The following MYOM2 variants were observed in gnomAD, a reference collection of about 807,000 sequenced individuals.
MYOM2 encodes the protein myomesin 2.
A neutral mutation model predicts 187.6 loss-of-function variants in MYOM2; 254 were observed. The ratio of observed to expected loss-of-function variants is 1.35; its 90% CI spans 1.22 to 1.50. MYOM2 has a LOEUF of 1.50. Ranked by LOEUF, MYOM2 falls within the 40% of genes most tolerant of loss-of-function variation. The probability of loss-of-function intolerance (pLI) is 0.00; values close to 1 mark genes in which losing one functional copy is unlikely to be tolerated. For synonymous variants in MYOM2, 981 were observed against 753.8 expected (o/e 1.30, Z -4.94); for missense variants, 2,796 against 1,924.0 (o/e 1.45, Z -8.48).
intron 28 of MYOM2, chr8:2,118,798 G>C (rs927838615): frequency 6.5e-6 from 1 of 152,980 alleles, no homozygotes; most frequent in Non-Finnish European, 1.5e-5. Context: ...GCAGTGACAC[G>C]GGCTGCTGGT....
rs559368277 is a variant in MYOM2, at chr8:2,082,764, G to A, written c.1517-2499G>A. 7.8e-4 allele frequency among the ~76,000 whole-genome samples: 119 copies of A among 152,344 alleles called. 1 individual carries two copies. The highest frequency in any genetic ancestry group is 1.2e-3 in the Non-Finnish European group (82 of 68,040). On this transcript the variant is annotated intron_variant, in intron 13 of 36. Transcript: ENST00000262113. Reference sequence around the variant, plus strand: ...AATTATGTATGCAAGCATTGGCTGTGCTTTCCTGGGCCGGGGCATTTGCAG... The same window carrying A: ...AATTATGTATGCAAGCATTGGCTGTACTTTCCTGGGCCGGGGCATTTGCAG...
chr8:2,140,511 C>G (rs1445585294), intron 32 of MYOM2, among the ~76,000 whole-genome samples: 1 of 152,056 alleles, frequency 6.6e-6, no homozygotes, highest in Admixed American at 6.6e-5. Context: ...AATAATATAC[C>G]TTTAAAAATT....
At chr8:2,065,059 CAT>C (rs1215752072) in intron 6 of MYOM2, among the ~76,000 whole-genome samples, 1 of 152,216 alleles carries the variant, frequency 6.6e-6, no homozygotes, top group Non-Finnish European at 1.5e-5. Flanking sequence ...ATAAGATTAA[CAT>C]TATATGATAA....
intron 19 of MYOM2, among the ~76,000 whole-genome samples, chr8:2,100,089 CTTCCTTCCTTCCTTCCTTCTTTCT>C (rs1796640302): frequency 0.061 from 3,403 of 55,824 alleles, 273 homozygotes; most frequent in Middle Eastern, 0.15. Context: ...TTCTTCTTTC[CTTCCTTCCTTCCTTCCTTCTTTCT>C]TTCCTTCCTT....
chr8:2,054,634 G>A (rs1404620782), intron 3 of MYOM2, among the ~76,000 whole-genome samples: 1 of 152,202 alleles, frequency 6.6e-6, no homozygotes, highest in African/African-American at 2.4e-5. Flanking sequence ...ATTGACCTAA[G>A]AATAAGCTGA....
intron 28 of MYOM2, among the ~76,000 whole-genome samples, chr8:2,122,371 C>CCATG (rs1241922216): frequency 6.6e-6 from 1 of 152,168 alleles, no homozygotes; most frequent in East Asian, 1.9e-4. Flanking sequence ...AGGCAGGCAG[C>CCATG]CATGCACTTG....
chr8:2,079,752 G>A (rs1421474036), intron 13 of MYOM2, 139 bp downstream of exon 13: 1 of 895,136 alleles, frequency 1.1e-6, no homozygotes, highest in Non-Finnish European at 1.9e-6. Context: ...GGTCAGGCCT[G>A]CAAGCCCAGT....
At chr8:2,120,601 C>T (rs1281736627) in intron 28 of MYOM2, among the ~76,000 whole-genome samples, 2 of 120,178 alleles carry the variant, frequency 1.7e-5, no homozygotes, top group Admixed American at 9.0e-5. Context: ...TGAAAGGAAC[C>T]GTCTTACTAT....
At chr8:2,063,471 T>G (rs1242353251) in intron 6 of MYOM2, among the ~76,000 whole-genome samples, 1 of 152,246 alleles carries the variant, frequency 6.6e-6, no homozygotes, top group Non-Finnish European at 1.5e-5. Context: ...ATGGGACTCA[T>G]GATGTGAGCC....
At chr8:2,104,867 C>T (rs952009920) in intron 21 of MYOM2, among the ~76,000 whole-genome samples, 3 of 152,170 alleles carry the variant, frequency 2.0e-5, no homozygotes, top group Non-Finnish European at 4.4e-5. Flanking sequence ...TGGTTATTAG[C>T]AAGAATCTAC....
At chr8:2,094,643 C>T (rs1796420317) in intron 17 of MYOM2, among the ~76,000 whole-genome samples, 1 of 152,176 alleles carries the variant, frequency 6.6e-6, no homozygotes, top group Non-Finnish European at 1.5e-5. Flanking sequence ...CAGAGCAAGA[C>T]TCCGTCTCAA....
intron 25 of MYOM2, among the ~76,000 whole-genome samples, chr8:2,114,934 T>A (rs1037194782): frequency 1.3e-5 from 2 of 152,192 alleles, no homozygotes; most frequent in African/African-American, 4.8e-5. Flanking sequence ...AAGGAAGAGA[T>A]GGTCTAATAT....
intron 18 of MYOM2, chr8:2,098,096 G>T (rs944259145): frequency 6.6e-6 from 1 of 152,202 alleles, no homozygotes; most frequent in Admixed American, 6.5e-5. Flanking sequence ...TACTCGGTCC[G>T]AGATTCCTGA....
chr8:2,115,049 TAG>T (rs34259544), intron 25 of MYOM2, among the ~76,000 whole-genome samples: 30,516 of 151,884 alleles, frequency 0.2, 3,235 homozygotes, highest in African/African-American at 0.27. Context: ...TCATTAGAAT[TAG>T]AGTTATTTAA....
rs577919975 is a variant in MYOM2 at position 2,065,486 on chromosome 8, C to T, written c.654-3792C>T. On this transcript the variant is annotated intron_variant, in intron 6 of 36. Coordinates refer to ENST00000262113, the MANE Select transcript of MYOM2 (RefSeq NM_003970.4). Reference sequence around the variant, plus strand: ...TCAGGAGGCTGAGGCAGGAGAATTGCTTGAACCTGGGAAGCGGAGGTTTCA... The same window carrying T: ...TCAGGAGGCTGAGGCAGGAGAATTGTTTGAACCTGGGAAGCGGAGGTTTCA... Among the ~76,000 whole-genome samples the T allele has an allele frequency of 1.6e-4, 25 of 152,260 alleles. No individual in the cohort carries two copies. In the East Asian group the frequency reaches 4.6e-3, roughly 28 times the overall value.
intron 5 of MYOM2, 59 bp from the exon 6 acceptor site, chr8:2,059,094 T>A (rs1478453535): frequency 2.0e-6 from 3 of 1,463,838 alleles, no homozygotes; most frequent in African/African-American, 1.4e-5. Flanking sequence ...TGGGGCAGAA[T>A]TGCACACACA....
At chr8:2,115,935 T>A (rs1031590433) in intron 25 of MYOM2, 25 bp from the exon 26 acceptor site, 1 of 1,603,044 alleles carries the variant, frequency 6.2e-7, no homozygotes, top group Non-Finnish European at 8.5e-7. Flanking sequence ...TGTATAATTC[T>A]CCATTTCCCT....
chr8:2,092,633 G>A (rs1190591425), intron 16 of MYOM2, 113 bp downstream of exon 16: 2 of 1,150,966 alleles, frequency 1.7e-6, no homozygotes, highest in Non-Finnish European at 1.2e-6. Context: ...CTGCGTAAAT[G>A]AGTCTGTCTT....
Position 2,144,788 on chromosome 8 carries a change from G to A in MYOM2, c.4205G>A (p.Ser1402Asn). 10 of 1,614,216 alleles carry A rather than the reference G, an allele frequency of 6.2e-6. No individual in the cohort carries two copies. Among genetic ancestry groups the A allele is most frequent in the Non-Finnish European group, 6.8e-6 (8 of 1,180,048 alleles). The change falls in exon 37 of 37, where the codon AGC becomes AAC. Residue 1402 changes from serine (S) to asparagine (N), a missense_variant. Ser to Asn is a conservative substitution (Grantham distance 46, BLOSUM62 1). Transcript: ENST00000262113. The part of the protein sequence containing the change: ...SVKVEQAKYV[S>N]MTIKGVTSED... ...AAGGTGGAGCAGGCCAAGTACGTCA[G>A]CATGACCATCAAAGGCGTGACCTCC...
Sources: allele counts gnomAD v4.1 joint callset (sites outside exome capture counted in the v4.1 genomes callset), GRCh38; gene constraint gnomAD v4.1.1; transcripts MANE v1.5; gene names NCBI Gene and HGNC (gene_info 2026-07-23, HGNC 2026-07-21).